The following SNCAIP variants were observed in gnomAD, a reference collection of about 807,000 sequenced individuals.
The protein encoded by SNCAIP is synuclein alpha interacting protein.
Under a neutral mutation model 86.7 loss-of-function variants are expected in SNCAIP, and 43 were observed. The observed-to-expected ratio is 0.50, with a 90% CI of 0.39 to 0.64. SNCAIP has a LOEUF of 0.64. SNCAIP is among the 30% of genes least tolerant of loss of function. SNCAIP has a pLI of 0.00. For missense variants in SNCAIP, 981 were observed against 1,103.1 expected (o/e 0.89, Z 1.57); for synonymous variants, 417 against 427.2 (o/e 0.98, Z 0.29).
At chr5:122,417,474 A>C (rs1050712785) in intron 3 of SNCAIP, among the ~76,000 whole-genome samples, 1 of 152,214 alleles carries the variant, frequency 6.6e-6, no homozygotes, top group African/African-American at 2.4e-5. Context: ...GAAATAGATG[A>C]AAGTGTTTTA....
Position 122,423,136 on chromosome 5 carries a change from C to G in SNCAIP, c.399C>G (p.Ser133Arg). 6.2e-7 allele frequency: 1 copy of G among 1,614,146 alleles called. No homozygotes were observed. Among genetic ancestry groups the G allele is most frequent in the South Asian group, 1.1e-5 (1 of 91,088 alleles). ...GAGTGGGCGGCCCACCAGGTAAGAGCTCTGAGCCCAGCACATCGCTGGGTG... is the reference window on the plus strand; with the variant it reads ...GAGTGGGCGGCCCACCAGGTAAGAGGTCTGAGCCCAGCACATCGCTGGGTG... Reference protein sequence around the residue: ...GDGVGGPPGKSSEPSTSLGEL... With the variant: ...GDGVGGPPGKRSEPSTSLGEL... Residue 133 changes from serine (S) to arginine (R), a missense_variant, in exon 4 of 11, where the codon AGC becomes AGG. Physicochemically the swap from Ser to Arg is moderately radical, Grantham distance 110 (BLOSUM62 -1). Transcript: ENST00000261368.
chr5:122,346,530 A>G (rs1758646020), intron 1 of SNCAIP, among the ~76,000 whole-genome samples: 1 of 152,062 alleles, frequency 6.6e-6, no homozygotes, highest in Admixed American at 6.6e-5. Flanking sequence ...TTTTTGCAAA[A>G]GCGAAATAAA....
chr5:122,351,556 A>AAAAAAAAAAAAAAAAAAAAAAAAAC (rs1759829301), intron 1 of SNCAIP, among the ~76,000 whole-genome samples: 1 of 144,294 alleles, frequency 6.9e-6, no homozygotes, highest in Non-Finnish European at 1.6e-5. Flanking sequence ...AAAAAAAAAA[A>AAAAAAAAAAAAAAAAAAAAAAAAAC]AAAAAAAAAA....
rs776639963 is a variant in SNCAIP, at chr5:122,391,114, C to A, written c.-21C>A. 2 of 1,601,734 alleles carry A rather than the reference C, an allele frequency of 1.2e-6. No homozygotes were observed. Among genetic ancestry groups the A allele is most frequent in the Non-Finnish European group, 1.7e-6 (2 of 1,168,826 alleles). ...GAATTTATAAGTATTTGACCGTACT[C>A]AAAATGTGCAAGGAAGAATAATGGA... is the stretch of plus-strand genomic sequence containing the variant. On this transcript the variant is annotated 5_prime_UTR_variant, in exon 2 of 11. Transcript: ENST00000261368.
intron 10 of SNCAIP, among the ~76,000 whole-genome samples, chr5:122,460,472 C>T (rs796977654): frequency 9.2e-5 from 14 of 152,168 alleles, no homozygotes; most frequent in African/African-American, 3.1e-4. Context: ...ATTTTAGCAT[C>T]CAACAATCCA....
intron 1 of SNCAIP, among the ~76,000 whole-genome samples, chr5:122,331,896 T>C: frequency 6.6e-6 from 1 of 152,264 alleles, no homozygotes; most frequent in Non-Finnish European, 1.5e-5. Context: ...CTTACTGATA[T>C]ATTCATCAAA....
chr5:122,349,210 G>A (rs1194243729), intron 1 of SNCAIP, among the ~76,000 whole-genome samples: 2 of 152,104 alleles, frequency 1.3e-5, no homozygotes, highest in African/African-American at 4.8e-5. Flanking sequence ...TTTTTGGAAC[G>A]CGATGATCCT....
At chr5:122,429,440 A>T (rs1777954418) in intron 5 of SNCAIP, among the ~76,000 whole-genome samples, 1 of 137,202 alleles carries the variant, frequency 7.3e-6, no homozygotes, top group African/African-American at 2.7e-5. Context: ...ATGAATGCCT[A>T]ATTTAGGTAA....
At chr5:122,362,399 A>C (rs1703561616) in intron 1 of SNCAIP, among the ~76,000 whole-genome samples, 1 of 152,204 alleles carries the variant, frequency 6.6e-6, no homozygotes, top group Non-Finnish European at 1.5e-5. Context: ...GAAACATTGG[A>C]GATTGAGGAA....
chr5:122,431,923 C>G lies in SNCAIP; in HGVS notation c.1183-46C>G, dbSNP rs568083311. 156 of 936,768 alleles carry G rather than the reference C, an allele frequency of 1.7e-4. 2 individuals are homozygous for G. The South Asian group carries it at 1.9e-3, about 12-fold the overall frequency. 58.0% of individuals were successfully genotyped at this position (936,768 alleles called of 1,614,324 possible). ...ACCATCTTTAATGTATTTTTCAAAC[C>G]TGAGTTACCTTGAATTTCCATCTCC... On this transcript the variant is annotated intron_variant, in intron 5 of 10. Transcript: ENST00000261368.
Position 122,332,241 on chromosome 5 carries a change from G to A in SNCAIP, c.-47+19957G>A, listed in dbSNP as rs138457473. Among the ~76,000 whole-genome samples, 308 of 152,176 alleles carry A rather than the reference G, an allele frequency of 2.0e-3. 1 individual carries two copies. Among genetic ancestry groups the A allele is most frequent in the Middle Eastern group, 6.8e-3 (2 of 294 alleles). ...CTGGATATATTATTTTGTATCTTGCGTTTTCCCACTTAACAGTCGACCATC... is the reference window on the plus strand; with the variant it reads ...CTGGATATATTATTTTGTATCTTGCATTTTCCCACTTAACAGTCGACCATC... On this transcript the variant is annotated intron_variant, in intron 1 of 10. Coordinates refer to ENST00000261368, the MANE Select transcript of SNCAIP (RefSeq NM_005460.4).
At chr5:122,381,055 G>A (rs1766648405) in intron 1 of SNCAIP, among the ~76,000 whole-genome samples, 2 of 150,384 alleles carry the variant, frequency 1.3e-5, no homozygotes, top group East Asian at 3.9e-4. Flanking sequence ...TGTCTATTAG[G>A]TCCGCTTGGT....
intron 7 of SNCAIP, among the ~76,000 whole-genome samples, chr5:122,443,237 A>C (rs569464891): frequency 2.6e-5 from 4 of 152,314 alleles, no homozygotes; most frequent in African/African-American, 4.8e-5. Flanking sequence ...ACTATTGCTT[A>C]GGGGAAAACA....
At chr5:122,384,834 C>T (rs1421094719) in intron 1 of SNCAIP, among the ~76,000 whole-genome samples, 1 of 152,194 alleles carries the variant, frequency 6.6e-6, no homozygotes, top group African/African-American at 2.4e-5. Context: ...TTCACTCTGG[C>T]TTTGAAAATA....
intron 1 of SNCAIP, among the ~76,000 whole-genome samples, chr5:122,356,014 A>G (rs978293391): frequency 1.3e-5 from 2 of 151,602 alleles, no homozygotes; most frequent in African/African-American, 4.9e-5. Context: ...TCATTTATGC[A>G]TGTTTAAATA....
intron 3 of SNCAIP, among the ~76,000 whole-genome samples, chr5:122,410,835 CAAAAAA>C: frequency 6.6e-6 from 1 of 152,172 alleles, no homozygotes; most frequent in East Asian, 1.9e-4. Context: ...AACAAACAAA[CAAAAAA>C]AGAAAATAAT....
At chr5:122,419,572 T>G (rs745913033) in intron 3 of SNCAIP, among the ~76,000 whole-genome samples, 1 of 152,180 alleles carries the variant, frequency 6.6e-6, no homozygotes, top group Non-Finnish European at 1.5e-5. Flanking sequence ...AATCTACTTA[T>G]GTAAAGCAAT....
intron 10 of SNCAIP, among the ~76,000 whole-genome samples, chr5:122,455,050 T>C (rs1784456078): frequency 1.3e-5 from 2 of 152,200 alleles, no homozygotes; most frequent in African/African-American, 4.8e-5. Flanking sequence ...ATTTCAACAA[T>C]AAATACTTAG....
chr5:122,406,678 C>T (rs1773071079), intron 3 of SNCAIP, among the ~76,000 whole-genome samples: 2 of 152,242 alleles, frequency 1.3e-5, no homozygotes, highest in East Asian at 1.9e-4. Context: ...CTTCTGCACC[C>T]ACCATGTGAG....
Sources: gnomAD v4.1 joint callset for allele counts (sites outside exome capture counted in the v4.1 genomes callset) on GRCh38, gnomAD v4.1.1 for gene constraint, MANE v1.5 for transcripts, NCBI Gene and HGNC (gene_info 2026-07-23, HGNC 2026-07-21) for gene names.